MAP3K14: variants seen among roughly 807,000 people sequenced by gnomAD.
MAP3K14 encodes NF-kappa-beta-inducing kinase.
MAP3K14 carries 16 observed loss-of-function variants against 99.2 expected under a neutral mutation model. The ratio of observed to expected loss-of-function variants is 0.16; its 90% CI spans 0.11 to 0.24. The LOEUF (loss-of-function observed/expected upper bound fraction) is 0.24, where lower values mean the gene tolerates loss of function less well. MAP3K14 is among the 10% of genes least tolerant of loss of function. The probability of loss-of-function intolerance (pLI) is 1.00; values close to 1 mark genes in which losing one functional copy is unlikely to be tolerated. For synonymous variants in MAP3K14, 462 were observed against 492.4 expected, an observed-to-expected ratio of 0.94 and a Z score of 0.82; for missense variants, 784 against 1,208.7, an observed-to-expected ratio of 0.65 and a Z score of 5.21.
chr17:45,304,055 C>T (rs2044412882), intron 1 of MAP3K14, among the ~76,000 whole-genome samples: 1 of 148,964 alleles, frequency 6.7e-6, no homozygotes, highest in African/African-American at 2.5e-5. Context: ...CTCTGTCGCC[C>T]AGGCTGGAGC....
chr17:45,309,477 G>A (rs988730297), intron 1 of MAP3K14, among the ~76,000 whole-genome samples: 1 of 152,188 alleles, frequency 6.6e-6, no homozygotes, highest in Non-Finnish European at 1.5e-5. Flanking sequence ...CCTCCAGGGC[G>A]GTGCCTCAAT....
intron 1 of MAP3K14, among the ~76,000 whole-genome samples, chr17:45,295,649 T>G (rs2044341168): frequency 6.6e-6 from 1 of 152,134 alleles, no homozygotes; most frequent in Admixed American, 6.5e-5. Flanking sequence ...GTTGCAGAGG[T>G]GGGGTTGAAC....
At chr17:45,305,852 G>A (rs1023407083) in intron 1 of MAP3K14, among the ~76,000 whole-genome samples, 12 of 152,136 alleles carry the variant, frequency 7.9e-5, no homozygotes, top group African/African-American at 2.4e-4. Context: ...CAGAGTGGTC[G>A]GCAAGAACCC....
chr17:45,296,828 C>T (rs1476647132), intron 1 of MAP3K14, among the ~76,000 whole-genome samples: 1 of 152,210 alleles, frequency 6.6e-6, no homozygotes, highest in African/African-American at 2.4e-5. Flanking sequence ...TCAATGTCTG[C>T]CCAGATCTCA....
intron 6 of MAP3K14, among the ~76,000 whole-genome samples, chr17:45,283,418 G>A (rs1303636200): frequency 4.6e-5 from 7 of 152,212 alleles, no homozygotes; most frequent in African/African-American, 1.7e-4. Flanking sequence ...CGGAGTTTTC[G>A]TATTCGACAC....
At chr17:45,274,294 G>C (rs760896903) in intron 7 of MAP3K14, 40 bp from the exon 8 acceptor site, 47 of 1,585,802 alleles carry the variant, frequency 3.0e-5, no homozygotes, top group Non-Finnish European at 3.9e-5. Flanking sequence ...GGACTTGCCC[G>C]AGCCTCCATG....
intron 9 of MAP3K14, 98 bp from the exon 10 acceptor site, chr17:45,271,319 G>T: frequency 1.9e-6 from 2 of 1,054,208 alleles, no homozygotes; most frequent in Non-Finnish European, 2.7e-6. Context: ...TCTTACATTT[G>T]TCACTGTTAA....
chr17:45,294,200 G>A (rs2044332123), intron 1 of MAP3K14, among the ~76,000 whole-genome samples: 1 of 152,248 alleles, frequency 6.6e-6, no homozygotes, highest in Non-Finnish European at 1.5e-5. Context: ...ACGAGCAGTG[G>A]CAACAGCCAA....
chr17:45,276,755 C>T (rs904976483), intron 6 of MAP3K14, among the ~76,000 whole-genome samples: 6 of 151,728 alleles, frequency 4.0e-5, no homozygotes, highest in South Asian at 4.2e-4. Context: ...TCAGGTGATC[C>T]GCCTACCTTG....
chr17:45,283,253 C>A (rs1299433441), intron 6 of MAP3K14, among the ~76,000 whole-genome samples: 1 of 152,178 alleles, frequency 6.6e-6, no homozygotes, highest in East Asian at 1.9e-4. Flanking sequence ...GACAGCTGAG[C>A]CTTCTCCGGT....
rs150176691 is a variant in MAP3K14, at chr17:45,266,787, G to A, written c.2434-106C>T. 1.7e-4 allele frequency: 222 copies of A among 1,309,892 alleles called. 4 individuals are homozygous for A. The African/African-American group carries it at 2.9e-3, about 17-fold the overall frequency. 81.1% of individuals were successfully genotyped at this position (1,309,892 alleles called of 1,614,324 possible). On this transcript the variant is annotated intron_variant, in intron 13 of 15. Coordinates refer to ENST00000344686, the MANE Select transcript of MAP3K14 (RefSeq NM_003954.5). ...GGGGCACTGCTCATGCCCTCAGCTG[G>A]AGGAGGGTAAGGGTTGCCTCCATGG...
In MAP3K14 at chr17:45,265,279, GGTGATA is replaced by G; in HGVS notation, c.2579-22_2579-17del. ...ACTTTCACACCTAGAAGGCGGACAA[GGTGATA>G]GTCAGGAGAGCGGCTGCTGGCTCCC... On this transcript the variant is annotated splice_polypyrimidine_tract_variant and intron_variant, in intron 14 of 15. Transcript: ENST00000344686. 1 of 1,567,028 alleles carries G rather than the reference GGTGATA, an allele frequency of 6.4e-7. No individual in the cohort carries two copies. The highest frequency in any genetic ancestry group is 1.1e-5 in the South Asian group (1 of 90,200).
intron 10 of MAP3K14, chr17:45,270,770 CA>C: frequency 1.2e-6 from 1 of 815,900 alleles, no homozygotes; most frequent in Non-Finnish European, 1.9e-6. Context: ...AGCCAGGCAG[CA>C]AGACGCCCAC....
intron 6 of MAP3K14, 48 bp from the exon 7 acceptor site, chr17:45,274,641 G>A (rs1263932197): frequency 6.3e-7 from 1 of 1,596,258 alleles, no homozygotes; most frequent in South Asian, 1.1e-5. Flanking sequence ...GGGGACCAGA[G>A]CTGGGTCCCT....
intron 6 of MAP3K14, among the ~76,000 whole-genome samples, chr17:45,277,137 T>G (rs1420537591): frequency 2.0e-5 from 3 of 152,052 alleles, no homozygotes; most frequent in African/African-American, 7.2e-5. Context: ...CTCTTAGGCT[T>G]CTTCTTCTTT....
At chr17:45,278,911 A>C (rs1333998659) in intron 6 of MAP3K14, among the ~76,000 whole-genome samples, 1 of 151,730 alleles carries the variant, frequency 6.6e-6, no homozygotes, top group Non-Finnish European at 1.5e-5. Context: ...TGATTCTCCC[A>C]CCTCGGCCTC....
intron 1 of MAP3K14, among the ~76,000 whole-genome samples, chr17:45,311,256 C>T (rs2044476174): frequency 6.6e-6 from 1 of 152,198 alleles, no homozygotes; most frequent in Non-Finnish European, 1.5e-5. Flanking sequence ...GTTATTTAGC[C>T]ATGCCAGCAG....
intron 1 of MAP3K14, among the ~76,000 whole-genome samples, chr17:45,297,743 G>C (rs2044356566): frequency 7.2e-6 from 1 of 138,082 alleles, no homozygotes; most frequent in Admixed American, 7.3e-5. Context: ...TTTTTGAGAT[G>C]GAGTCTTGCT....
Position 45,286,132 on chromosome 17 carries a change from T to G in MAP3K14, c.1152+299A>C, listed in dbSNP as rs984124343. Among the ~76,000 whole-genome samples, 2 of 152,130 alleles carry G rather than the reference T, an allele frequency of 1.3e-5. No individual in the cohort carries two copies. Among genetic ancestry groups the G allele is most frequent in the Non-Finnish European group, 2.9e-5 (2 of 68,016 alleles). On this transcript the variant is annotated intron_variant, in intron 5 of 15. Transcript: ENST00000344686. This position sits in a 1 kb window ranked among gnomAD's most constrained non-coding sequence, Gnocchi z 4.1. ...CCTCATCTTCCGTCTCTGGGGGCCATGATAACATCTCCAGTGGCTCCTGGC... is the reference window on the plus strand; with the variant it reads ...CCTCATCTTCCGTCTCTGGGGGCCAGGATAACATCTCCAGTGGCTCCTGGC...
Sources: gnomAD v4.1 joint callset for allele counts (sites outside exome capture counted in the v4.1 genomes callset) on GRCh38, gnomAD v4.1.1 for gene constraint, Gnocchi (gnomAD v3.1) non-coding constraint, MANE v1.5 for transcripts, NCBI Gene and HGNC (gene_info 2026-07-23, HGNC 2026-07-21) for gene names.